Variants in SCN10A observed in about 807,000 individuals in gnomAD.
SCN10A encodes sodium channel protein type 10 subunit alpha.
Under a neutral mutation model 170.7 loss-of-function variants are expected in SCN10A, and 162 were observed. The ratio of observed to expected loss-of-function variants is 0.95; its 90% CI spans 0.84 to 1.08. The LOEUF (loss-of-function observed/expected upper bound fraction) is 1.08, where lower values mean the gene tolerates loss of function less well. SCN10A is among the 50% of genes least tolerant of loss of function. The pLI is 0.00. For missense variants in SCN10A, 2,527 were observed against 2,436.9 expected (o/e 1.04, Z -0.78); for synonymous variants, 985 against 904.6 (o/e 1.09, Z -1.59).
At chr3:38,716,816 G>A (rs1377921947) in intron 21 of SCN10A, among the ~76,000 whole-genome samples, 4 of 152,056 alleles carry the variant, frequency 2.6e-5, no homozygotes, top group Non-Finnish European at 5.9e-5. Context: ...TGGAAAGATG[G>A]GGAGCTGGAC....
chr3:38,809,314 G>C (rs768814645), intron 1 of SCN10A, among the ~76,000 whole-genome samples: 1 of 152,196 alleles, frequency 6.6e-6, no homozygotes, highest in African/African-American at 2.4e-5. Context: ...CCTAGAAAAT[G>C]AGAAACAACA....
At chr3:38,747,776 T>C (rs1057418194) in intron 13 of SCN10A, among the ~76,000 whole-genome samples, 8 of 152,258 alleles carry the variant, frequency 5.3e-5, no homozygotes, top group African/African-American at 1.7e-4. Flanking sequence ...TTGTACTTGC[T>C]ATTTGTGTCT....
chr3:38,756,548 C>T, intron 10 of SCN10A, 126 bp downstream of exon 10: 1 of 774,046 alleles, frequency 1.3e-6, no homozygotes, highest in Non-Finnish European at 2.2e-6. Flanking sequence ...TAATATGGTC[C>T]CTGAGGCAAG....
chr3:38,749,108 T>C (rs1195350347), intron 13 of SCN10A, among the ~76,000 whole-genome samples: 1 of 152,232 alleles, frequency 6.6e-6, no homozygotes. Context: ...TTGCCACCTC[T>C]GGCTTTACCT....
Position 38,726,785 on chromosome 3 carries a change from TC to T in SCN10A, c.2907del (p.Ser970AlafsTer55). 1 of 1,610,926 alleles carries T rather than the reference TC, an allele frequency of 6.2e-7. No homozygotes were observed. The highest frequency in any genetic ancestry group is 8.5e-7 in the Non-Finnish European group (1 of 1,177,324). ...CTGGGAGCTTGGAGCCCTCCAGAGC[TC>T]CCCCTGGCAGTGTTGGCAGCAATGT... is the stretch of plus-strand genomic sequence containing the variant. ...ENHIAANTAR[G>X]SSGGLQAPRG... On this transcript the variant is annotated frameshift_variant, in exon 17 of 28. Coordinates refer to ENST00000449082, the MANE Select transcript of SCN10A (RefSeq NM_006514.4). LOFTEE classifies it high-confidence loss of function.
chr3:38,812,315 G>T lies in SCN10A; in HGVS notation c.-33+3722C>A, dbSNP rs542655960. 3.3e-5 allele frequency among the ~76,000 whole-genome samples: 5 copies of T among 152,276 alleles called. No homozygotes were observed. The South Asian group carries it at 1.0e-3, about 32-fold the overall frequency. ...CCATTTCTGCAGAGAAGCCACTAAA[G>T]CCTTGAGGCTAACTTAGTGAAGGTC... is the stretch of plus-strand genomic sequence containing the variant. On this transcript the variant is annotated intron_variant, in intron 1 of 27. Coordinates refer to ENST00000449082, the MANE Select transcript of SCN10A (RefSeq NM_006514.4).
chr3:38,776,944 A>G (rs2064082794), intron 4 of SCN10A, among the ~76,000 whole-genome samples: 2 of 152,050 alleles, frequency 1.3e-5, no homozygotes, highest in Admixed American at 1.3e-4. Context: ...CTATATGATA[A>G]CCTCAATAAA....
At chr3:38,780,886 G>A (rs1309861072) in intron 4 of SCN10A, among the ~76,000 whole-genome samples, 2 of 152,088 alleles carry the variant, frequency 1.3e-5, no homozygotes, top group Non-Finnish European at 2.9e-5. Context: ...CCTTGAAGAT[G>A]AGGAGAGTAG....
chr3:38,786,408 C>T (rs574710974), intron 4 of SCN10A, among the ~76,000 whole-genome samples: 6 of 151,950 alleles, frequency 3.9e-5, no homozygotes, highest in African/African-American at 1.4e-4. Flanking sequence ...TGTTCTCACT[C>T]ATAGGTGGGA....
Position 38,757,138 on chromosome 3 carries a change from G to A in SCN10A, c.972C>T (p.Ile324=). The A allele has an allele frequency of 6.2e-7, 1 of 1,609,930 alleles. No homozygotes were observed. Among genetic ancestry groups the A allele is most frequent in the Non-Finnish European group, 8.5e-7 (1 of 1,178,108 alleles). The part of the protein sequence containing the change: ...SDSGHCPDGY[I]CLKTSDNPDF... Reference sequence around the variant, plus strand: ...CCGGGTTGTCAGAAGTTTTAAGGCAGATATAACCATCAGGGCAGTGGCTGC... The same window carrying A: ...CCGGGTTGTCAGAAGTTTTAAGGCAAATATAACCATCAGGGCAGTGGCTGC... Residue 324 remains isoleucine, a synonymous_variant, in exon 9 of 28, where the codon ATC becomes ATT. Transcript: ENST00000449082.
At chr3:38,728,393 A>T in intron 16 of SCN10A, 149 bp downstream of exon 16, 1 of 787,254 alleles carries the variant, frequency 1.3e-6, no homozygotes, top group Non-Finnish European at 1.9e-6. Flanking sequence ...TCTTGTAATG[A>T]ATCCCACATG....
intron 4 of SCN10A, among the ~76,000 whole-genome samples, chr3:38,772,655 C>T (rs1249485535): frequency 6.6e-6 from 1 of 151,494 alleles, no homozygotes; most frequent in Non-Finnish European, 1.5e-5. Context: ...CGTCACTGCA[C>T]TCCAGTCTGG....
chr3:38,736,962 C>CGTTTTTTTT (rs2063567981), intron 15 of SCN10A, among the ~76,000 whole-genome samples: 2 of 69,254 alleles, frequency 2.9e-5, no homozygotes, highest in African/African-American at 5.2e-5. Context: ...CAGAAATGTT[C>CGTTTTTTTT]GTTTTTTTTT....
intron 1 of SCN10A, among the ~76,000 whole-genome samples, chr3:38,804,398 G>C (rs545345125): frequency 2.6e-5 from 4 of 152,024 alleles, no homozygotes; most frequent in African/African-American, 9.6e-5. Context: ...ACACTTTTAC[G>C]ACCTAATAGT....
chr3:38,798,786 CTTTTTTTTT>C (rs35930968), intron 1 of SCN10A, among the ~76,000 whole-genome samples: 2 of 97,732 alleles, frequency 2.0e-5, no homozygotes, highest in African/African-American at 4.0e-5. Context: ...CCCTTGCCTC[CTTTTTTTTT>C]TTTTTTTTTT....
Position 38,788,948 on chromosome 3 carries a change from C to T in SCN10A, c.470+8G>A, listed in dbSNP as rs1064797293. Reference sequence around the variant, plus strand: ...AGATGGTACAATAATGATAGCAAATCTACTCACTCAATTTTCTCTGGAAGG... The same window carrying T: ...AGATGGTACAATAATGATAGCAAATTTACTCACTCAATTTTCTCTGGAAGG... On this transcript the variant is annotated splice_region_variant and intron_variant, in intron 4 of 27. Coordinates refer to ENST00000449082, the MANE Select transcript of SCN10A (RefSeq NM_006514.4). The T allele has an allele frequency of 6.5e-7, 1 of 1,538,898 alleles. No homozygotes were observed. The highest frequency in any genetic ancestry group is 9.0e-7 in the Non-Finnish European group (1 of 1,112,018).
At chr3:38,708,261 A>G (rs1166130234) in intron 25 of SCN10A, among the ~76,000 whole-genome samples, 1 of 152,158 alleles carries the variant, frequency 6.6e-6, no homozygotes, top group Non-Finnish European at 1.5e-5. Flanking sequence ...AGGTGAGGTC[A>G]TGCTGAGAAC....
chr3:38,786,305 AG>A (rs2064201266), intron 4 of SCN10A, among the ~76,000 whole-genome samples: 4 of 152,232 alleles, frequency 2.6e-5, no homozygotes, highest in Admixed American at 2.0e-4. Flanking sequence ...GCCATAAAAA[AG>A]GGTGAGTTCA....
chr3:38,721,002 C>A (rs942031408), intron 20 of SCN10A, among the ~76,000 whole-genome samples: 1 of 152,194 alleles, frequency 6.6e-6, no homozygotes, highest in Non-Finnish European at 1.5e-5. Context: ...CGCTGTCACA[C>A]AGTTCCCCCT....
Sources: allele counts gnomAD v4.1 joint callset (sites outside exome capture counted in the v4.1 genomes callset), GRCh38; gene constraint gnomAD v4.1.1; transcripts MANE v1.5; gene names NCBI Gene and HGNC (gene_info 2026-07-23, HGNC 2026-07-21).